PNPLA1: variants seen among roughly 807,000 people sequenced by gnomAD.
PNPLA1 encodes omega-hydroxyceramide transacylase.
In PNPLA1, 36 loss-of-function variants were observed where a neutral mutation model predicts 51.7. The ratio of observed to expected loss-of-function variants is 0.70; its 90% CI spans 0.53 to 0.92. PNPLA1 has a LOEUF of 0.92. Ranked by LOEUF, PNPLA1 falls within the 40% of genes least tolerant of loss-of-function variation. The pLI is 0.00. For missense variants in PNPLA1, 658 were observed against 682.5 expected (o/e 0.96, Z 0.40); for synonymous variants, 293 against 280.1 (o/e 1.05, Z -0.46).
At chr6:36,263,701 A>T (rs1228869657) in intron 1 of PNPLA1, among the ~76,000 whole-genome samples, 1 of 135,146 alleles carries the variant, frequency 7.4e-6, no homozygotes, top group East Asian at 2.5e-4. Context: ...GGCCTCACTG[A>T]TGGGGGCAAG....
Position 36,300,178 on chromosome 6 carries a change from T to TGTGTGAGAGAGAGAGAGAGA in PNPLA1, c.776-1682_776-1681insTGTGAGAGAGAGAGAGAGAG. 5.2e-4 allele frequency among the ~76,000 whole-genome samples: 51 copies of TGTGTGAGAGAGAGAGAGAGA among 98,140 alleles called. 2 individuals are homozygous for TGTGTGAGAGAGAGAGAGAGA. The East Asian group carries it at 7.5e-3, about 14-fold the overall frequency. 64.4% of individuals were successfully genotyped at this position (98,140 alleles called of 152,430 possible). On this transcript the variant is annotated intron_variant, in intron 5 of 8. Transcript: ENST00000636260. ...TCTTATTCTTGTGTGTGTGTGTGTG[T>TGTGTGAGAGAGAGAGAGAGA]GAGAGAGAGAGAGAGAGAGAGAGAG...
At position 36,306,306 on chromosome 6, in the gene PNPLA1, G is replaced by A. The variant is rs2127355248; in HGVS notation, c.1399G>A (p.Val467Ile). 9 of 1,611,404 alleles carry A rather than the reference G, an allele frequency of 5.6e-6. No homozygotes were observed. Among genetic ancestry groups the A allele is most frequent in the Non-Finnish European group, 6.8e-6 (8 of 1,178,914 alleles). The part of the protein sequence containing the change: ...QEQPQAVALL[V>I]SSKPKSAVPL... ...TTTACTTTTAGCTGTAGCTCTTCTT[G>A]TCTCTTCAAAACCAAAAAGCGCCGT... Residue 467 changes from valine to isoleucine, a missense_variant, in exon 7 of 9, where the codon GTC (valine) becomes ATC (isoleucine). Transcript: ENST00000636260.
chr6:36,293,581 G>A (rs1157716152), intron 3 of PNPLA1, among the ~76,000 whole-genome samples: 5 of 152,186 alleles, frequency 3.3e-5, no homozygotes, highest in Non-Finnish European at 5.9e-5. Context: ...GAGGGTCTGC[G>A]CCCCTAACCA....
intron 1 of PNPLA1, among the ~76,000 whole-genome samples, chr6:36,263,780 C>T (rs558188208): frequency 1.3e-5 from 2 of 152,288 alleles, no homozygotes; most frequent in African/African-American, 2.4e-5. Flanking sequence ...GCAGCGGCGC[C>T]TCTCATATGT....
intron 1 of PNPLA1, among the ~76,000 whole-genome samples, chr6:36,271,003 G>A (rs1445313974): frequency 6.6e-6 from 1 of 152,114 alleles, no homozygotes; most frequent in Non-Finnish European, 1.5e-5. Flanking sequence ...GCTACACCAC[G>A]GCACAGTCAT....
At chr6:36,309,460 G>C (rs1174490972) in intron 8 of PNPLA1, among the ~76,000 whole-genome samples, 2 of 152,104 alleles carry the variant, frequency 1.3e-5, no homozygotes, top group East Asian at 3.9e-4. Context: ...GAGCCTCCCT[G>C]GGACTAGGAG....
chr6:36,291,579 G>GGGGGGGGGGGGGGC, intron 2 of PNPLA1, 27 bp downstream of exon 2: 2 of 103,658 alleles, frequency 1.9e-5, no homozygotes, highest in Non-Finnish European at 3.9e-5. Context: ...GGGAGGGAGG[G>GGGGGGGGGGGGGGC]ACACGGAGGG....
chr6:36,263,945 T>C (rs932236129), intron 1 of PNPLA1, among the ~76,000 whole-genome samples: 1 of 152,206 alleles, frequency 6.6e-6, no homozygotes, highest in Non-Finnish European at 1.5e-5. Context: ...GCTGCTTCCC[T>C]GCCCCTAAGC....
intron 1 of PNPLA1, among the ~76,000 whole-genome samples, chr6:36,281,472 C>T (rs931278232): frequency 3.9e-5 from 6 of 152,210 alleles, no homozygotes; most frequent in African/African-American, 1.4e-4. Flanking sequence ...TCATATGCAT[C>T]ATTTACTCTA....
intron 1 of PNPLA1, among the ~76,000 whole-genome samples, chr6:36,274,331 G>T (rs559783086): frequency 6.6e-6 from 1 of 152,260 alleles, no homozygotes; most frequent in South Asian, 2.1e-4. Context: ...CGATGTTAAG[G>T]GGTGAGGAGG....
intron 1 of PNPLA1, among the ~76,000 whole-genome samples, chr6:36,251,631 T>A (rs113587692): frequency 0.037 from 5,684 of 152,216 alleles, 217 homozygotes; most frequent in African/African-American, 0.096. Flanking sequence ...CTACTGGTAG[T>A]TCAAGATTGT....
At chr6:36,293,014 C>A in intron 2 of PNPLA1, 47 bp from the exon 3 acceptor site, 1 of 1,539,130 alleles carries the variant, frequency 6.5e-7, no homozygotes, top group Non-Finnish European at 8.9e-7. Context: ...GCTGTCCCCA[C>A]CCCACCCCCG....
chr6:36,303,948 T>G (rs1771153294), intron 6 of PNPLA1, among the ~76,000 whole-genome samples: 1 of 152,172 alleles, frequency 6.6e-6, no homozygotes, highest in Non-Finnish European at 1.5e-5. Context: ...AAAAGCTTCT[T>G]GGAGGTGACA....
chr6:36,262,965 G>C (rs1582037497), intron 1 of PNPLA1, among the ~76,000 whole-genome samples: 1 of 152,102 alleles, frequency 6.6e-6, no homozygotes, highest in African/African-American at 2.4e-5. Context: ...ATTTCTGTAG[G>C]ATAAATTCCT....
At chr6:36,302,607 T>G (rs1771099127) in intron 6 of PNPLA1, 138 bp downstream of exon 6, 3 of 1,188,020 alleles carry the variant, frequency 2.5e-6, no homozygotes, top group Middle Eastern at 2.2e-4. Flanking sequence ...TCTCTGTCCA[T>G]TATGAGGACA....
At chr6:36,301,101 A>G (rs1057433061) in intron 5 of PNPLA1, among the ~76,000 whole-genome samples, 1 of 137,380 alleles carries the variant, frequency 7.3e-6, no homozygotes, top group Admixed American at 8.2e-5. Context: ...GCCTAGATAA[A>G]CGCCATCCCC....
chr6:36,256,421 T>G (rs56306008), intron 1 of PNPLA1, among the ~76,000 whole-genome samples: 4,349 of 152,234 alleles, frequency 0.029, 105 homozygotes, highest in African/African-American at 0.061. Flanking sequence ...CTTATGATGC[T>G]CTAAGAAATT....
In PNPLA1 at chr6:36,295,367, C is replaced by G. The variant is rs1770825638; in HGVS notation, c.718C>G (p.Leu240Val). The G allele has an allele frequency of 6.2e-7, 1 of 1,614,196 alleles. No individual in the cohort carries two copies. The highest frequency in any genetic ancestry group is 8.5e-7 in the Non-Finnish European group (1 of 1,180,026). Residue 240 changes from leucine to valine, a missense_variant, in exon 5 of 9, where the codon CTG becomes GTG. Transcript: ENST00000636260. The stretch of plus-strand genomic sequence containing the variant: ...CTCCTGGTGCCTCCGCCCACAGATC[C>G]TGCACGATTACTACTACCGAGGGTA... The part of the protein sequence containing the change: ...HALFPPDLVI[L>V]HDYYYRGYED...
At chr6:36,301,773 G>A (rs1431634531) in intron 5 of PNPLA1, 88 bp from the exon 6 acceptor site, 3 of 1,490,394 alleles carry the variant, frequency 2.0e-6, no homozygotes, top group East Asian at 2.3e-5. Flanking sequence ...CACTGTTCCT[G>A]TTTAGGAAAA....
Sources: gnomAD v4.1 joint callset for allele counts (sites outside exome capture counted in the v4.1 genomes callset) on GRCh38, gnomAD v4.1.1 for gene constraint, MANE v1.5 for transcripts, NCBI Gene and HGNC (gene_info 2026-07-23, HGNC 2026-07-21) for gene names.